Variants in IGFL2 observed in about 807,000 individuals in gnomAD.
IGFL2 encodes the protein IGF like family member 2.
In IGFL2, 7 loss-of-function variants were observed where a neutral mutation model predicts 13.9. That is an observed-to-expected ratio of 0.51 (90% CI 0.29 to 0.95). The LOEUF (loss-of-function observed/expected upper bound fraction) is 0.95. Ranked by LOEUF, IGFL2 falls within the 40% of genes least tolerant of loss-of-function variation. The pLI is 0.08. For missense variants in IGFL2, 138 were observed against 147.8 expected, an observed-to-expected ratio of 0.93 and a Z score of 0.34; for synonymous variants, 55 against 55.8, an observed-to-expected ratio of 0.99 and a Z score of 0.07.
the IGFL2 span, among the ~76,000 whole-genome samples, chr19:46,105,598 CG>C: frequency 6.6e-6 from 1 of 152,094 alleles, no homozygotes; most frequent in Non-Finnish European, 1.5e-5. Flanking sequence ...CAATGGTAAT[CG>C]TTGCAGACTC....
chr19:46,194,846 ATATATATTTTTTTTTTTTTT>A, the IGFL2 span, among the ~76,000 whole-genome samples: 78 of 34,922 alleles, frequency 2.2e-3, 1 homozygote, highest in Middle Eastern at 0.017. Context: ...ATATATATAT[ATATATATTTTTTTTTTTTTT>A]TTTTTTTTTT....
chr19:46,175,786 C>T, the IGFL2 span, among the ~76,000 whole-genome samples: 1 of 151,556 alleles, frequency 6.6e-6, no homozygotes, highest in African/African-American at 2.4e-5. Flanking sequence ...AGTGATCCTC[C>T]TGCCTCAGCC....
At chr19:46,197,090 G>A in the IGFL2 span, 7 of 219,508 alleles carry the variant, frequency 3.2e-5, no homozygotes, top group East Asian at 6.6e-4. Context: ...CACGTTCTGT[G>A]ACCCTCTGCA....
At chr19:46,130,596 G>A in the IGFL2 span, among the ~76,000 whole-genome samples, 1 of 152,012 alleles carries the variant, frequency 6.6e-6, no homozygotes, top group Admixed American at 6.5e-5. Context: ...ACTAGCTTAA[G>A]CTGTGGCAAA....
chr19:46,189,749 G>GATT, the IGFL2 span: 1 of 152,150 alleles, frequency 6.6e-6, no homozygotes, highest in African/African-American at 2.4e-5. Context: ...GTAGAGAGAA[G>GATT]ATTATTATTA....
the IGFL2 span, chr19:46,212,817 G>A: frequency 6.6e-6 from 1 of 151,988 alleles, no homozygotes; most frequent in Non-Finnish European, 1.5e-5. Context: ...CTGACACAAA[G>A]CCTGGGACAT....
chr19:46,136,196 C>T, the IGFL2 span, among the ~76,000 whole-genome samples: 1 of 152,066 alleles, frequency 6.6e-6, no homozygotes. Flanking sequence ...AGGTTGCTTG[C>T]CCTCTCTCCC....
the IGFL2 span, among the ~76,000 whole-genome samples, chr19:46,206,068 TAG>T: frequency 6.6e-6 from 1 of 152,268 alleles, no homozygotes; most frequent in East Asian, 1.9e-4. Context: ...TGAGAAAATG[TAG>T]AGAGAAGAGT....
chr19:46,177,503 C>T, the IGFL2 span, among the ~76,000 whole-genome samples: 1 of 151,932 alleles, frequency 6.6e-6, no homozygotes, highest in Non-Finnish European at 1.5e-5. Context: ...ATATAAAATA[C>T]TCCACATAAG....
the IGFL2 span, among the ~76,000 whole-genome samples, chr19:46,169,416 C>G: frequency 6.6e-6 from 1 of 151,976 alleles, no homozygotes; most frequent in African/African-American, 2.4e-5. Context: ...GCCATACACT[C>G]TAAAGCAAAA....
the IGFL2 span, chr19:46,197,192 C>A: frequency 9.1e-6 from 2 of 218,736 alleles, no homozygotes; most frequent in South Asian, 7.2e-5. Context: ...AAGTGCTGCC[C>A]CTGGTCCCTC....
chr19:46,120,253 T>C, the IGFL2 span: 1 of 1,598,594 alleles, frequency 6.3e-7, no homozygotes. Flanking sequence ...TCTCCGAAGT[T>C]CAACTGTAGT....
At chr19:46,198,713 G>A in the IGFL2 span, among the ~76,000 whole-genome samples, 2 of 152,106 alleles carry the variant, frequency 1.3e-5, no homozygotes, top group Admixed American at 1.3e-4. Context: ...AGAGAGATCA[G>A]CCCCTTCAAT....
the IGFL2 span, among the ~76,000 whole-genome samples, chr19:46,185,995 TG>T: frequency 6.6e-6 from 1 of 152,174 alleles, no homozygotes; most frequent in African/African-American, 2.4e-5. Context: ...CCGTCCCATC[TG>T]GTGCTGGGTA....
chr19:46,108,672 C>T, the IGFL2 span, among the ~76,000 whole-genome samples: 4 of 152,092 alleles, frequency 2.6e-5, no homozygotes, highest in African/African-American at 9.7e-5. Context: ...TGGTACTTGC[C>T]ACCAAGGTGA....
chr19:46,203,872 A>G, the IGFL2 span, among the ~76,000 whole-genome samples: 1 of 152,076 alleles, frequency 6.6e-6, no homozygotes, highest in Non-Finnish European at 1.5e-5. Context: ...GCATGCCACC[A>G]CACCCAGCTA....
chr19:46,136,662 A>G, the IGFL2 span: 1 of 427,408 alleles, frequency 2.3e-6, no homozygotes. Context: ...TTAATAAAAA[A>G]ATATATAAAA....
intron 1 of IGFL2, among the ~76,000 whole-genome samples, chr19:46,149,313 C>T (rs918585159): frequency 7.9e-6 from 1 of 127,150 alleles, no homozygotes; most frequent in Non-Finnish European, 1.7e-5. Flanking sequence ...CTCCCCCTCC[C>T]CCTCCCCTCC....
At chr19:46,123,783 CTT>C in the IGFL2 span, 564 of 1,322,510 alleles carry the variant, frequency 4.3e-4, 11 homozygotes, top group Non-Finnish European at 1.1e-4. Context: ...CAGCCTGACT[CTT>C]TTGCCGTTAG....
Sources: gnomAD v4.1 joint callset for allele counts (sites outside exome capture counted in the v4.1 genomes callset) on GRCh38, gnomAD v4.1.1 for gene constraint, MANE v1.5 for transcripts, NCBI Gene and HGNC (gene_info 2026-07-23, HGNC 2026-07-21) for gene names.